VEZT: variants seen among roughly 807,000 people sequenced by gnomAD.
VEZT encodes vezatin.
VEZT carries 39 observed loss-of-function variants against 79.9 expected under a neutral mutation model. That is an observed-to-expected ratio of 0.49 (90% CI 0.38 to 0.64). VEZT has a LOEUF of 0.64. VEZT is among the 30% of genes least tolerant of loss of function. VEZT has a pLI of 0.00. For synonymous variants in VEZT, 325 were observed against 327.6 expected (o/e 0.99, Z 0.09); for missense variants, 837 against 893.1 (o/e 0.94, Z 0.80).
rs528035805 is a variant in VEZT at position 95,268,377 on chromosome 12, A to G, written c.711-1674A>G. Among the ~76,000 whole-genome samples the G allele has an allele frequency of 3.9e-4, 60 of 152,216 alleles. 1 individual carries two copies. Among genetic ancestry groups the G allele is most frequent in the African/African-American group, 1.4e-3 (60 of 41,550 alleles). On this transcript the variant is annotated intron_variant, in intron 5 of 11. Transcript: ENST00000436874. ...GCCGGGCGTGGTGGCGGGTGCCTGT[A>G]GACCCAGCTACCCGGGAGGCTGAGG...
intron 1 of VEZT, among the ~76,000 whole-genome samples, chr12:95,225,421 G>T (rs2058278072): frequency 6.6e-6 from 1 of 152,068 alleles, no homozygotes; most frequent in Non-Finnish European, 1.5e-5. Context: ...GCCGGGCTTG[G>T]TGGCGGGCGC....
At chr12:95,280,434 G>A (rs1386325258) in intron 7 of VEZT, among the ~76,000 whole-genome samples, 6 of 135,748 alleles carry the variant, frequency 4.4e-5, no homozygotes, top group East Asian at 2.1e-4. Flanking sequence ...TCTCTCCTTC[G>A]CGCTTTCTGT....
In VEZT at chr12:95,300,509, C is replaced by T. The variant is rs1247848784; in HGVS notation, c.2176C>T (p.Leu726=). 1 of 1,613,974 alleles carries T rather than the reference C, an allele frequency of 6.2e-7. No homozygotes were observed. The highest frequency in any genetic ancestry group is 1.1e-5 in the South Asian group (1 of 91,082). ...ATTACAGCCCTCCATTAAGCAGAGG[C>T]TGGCACGGCTACAGCTGTCACCAGA... is the stretch of plus-strand genomic sequence containing the variant. ...DSLQPSIKQR[L]ARLQLSPDFT... is the part of the protein sequence containing the mutation. The change falls in exon 12 of 12, where the codon CTG becomes TTG. Residue 726 remains leucine (L), a synonymous_variant. Transcript: ENST00000436874.
intron 9 of VEZT, among the ~76,000 whole-genome samples, chr12:95,293,074 A>C (rs1329895107): frequency 2.7e-5 from 4 of 150,926 alleles, no homozygotes; most frequent in African/African-American, 9.8e-5. Flanking sequence ...CTGGTCTCAA[A>C]CTCCTGACCT....
At chr12:95,274,943 G>A (rs1211465607) in intron 7 of VEZT, 54 bp downstream of exon 7, 7 of 1,569,562 alleles carry the variant, frequency 4.5e-6, no homozygotes, top group Non-Finnish European at 6.0e-6. Flanking sequence ...CACTTGGATT[G>A]TGTCTATGCT....
intron 9 of VEZT, chr12:95,290,554 T>C (rs2072477546): frequency 6.6e-6 from 1 of 152,170 alleles, no homozygotes; most frequent in Non-Finnish European, 1.5e-5. Flanking sequence ...CTACATACTA[T>C]GTTATTCCAC....
intron 10 of VEZT, 84 bp from the exon 11 acceptor site, chr12:95,295,967 G>T: frequency 9.7e-7 from 1 of 1,028,088 alleles, no homozygotes; most frequent in African/African-American, 1.6e-5. Flanking sequence ...TTTAATCTCA[G>T]AGATAAGTAA....
rs1469983317 is a variant in VEZT, at chr12:95,262,910, T to C, written c.263T>C (p.Ile88Thr). The change falls in exon 4 of 12, where the codon ATT becomes ACT. Residue 88 changes from isoleucine (I) to threonine (T), a missense_variant. Coordinates refer to ENST00000436874, the MANE Select transcript of VEZT (RefSeq NM_017599.4). ...TTCTGGTATTTTAATGGCAAGGATA[T>C]TGGATTCCGACTCGACTCATTACAT... ...KKDDLLHKLDIGFRLDSLHTI... is the reference protein window; with the variant it reads ...KKDDLLHKLDTGFRLDSLHTI... The C allele has an allele frequency of 1.3e-6, 2 of 1,587,786 alleles. No homozygotes were observed. The highest frequency in any genetic ancestry group is 8.6e-7 in the Non-Finnish European group (1 of 1,161,756).
In VEZT at chr12:95,282,439, T is replaced by C; in HGVS notation, c.1123T>C (p.Ser375Pro). Residue 375 changes from serine (S) to proline (P), a missense_variant, in exon 8 of 12, where the codon TCT (serine) becomes CCT (proline). Physicochemically the swap from Ser to Pro is moderately conservative, Grantham distance 74. Transcript: ENST00000436874. ...TPALLPHRIL[S>P]DVTQGLPHAH... ...AGCACTTCTGCCTCATCGTATCTTA[T>C]CTGATGTGACTCAAGGTCTACCTCA... 6.2e-7 allele frequency: 1 copy of C among 1,614,016 alleles called. No individual in the cohort carries two copies. The highest frequency in any genetic ancestry group is 8.5e-7 in the Non-Finnish European group (1 of 1,179,898).
chr12:95,236,081 G>A (rs1373171128), intron 1 of VEZT, among the ~76,000 whole-genome samples: 1 of 152,142 alleles, frequency 6.6e-6, no homozygotes, highest in Non-Finnish European at 1.5e-5. Context: ...CGGCTGGGAG[G>A]TGGAGGTTGT....
At chr12:95,281,377 C>T (rs1455355824) in intron 7 of VEZT, among the ~76,000 whole-genome samples, 1 of 152,090 alleles carries the variant, frequency 6.6e-6, no homozygotes, top group Non-Finnish European at 1.5e-5. Flanking sequence ...ACTCAGGAGG[C>T]TGAAGTAGGA....
intron 2 of VEZT, among the ~76,000 whole-genome samples, chr12:95,253,935 A>G (rs1455635597): frequency 1.3e-5 from 2 of 152,082 alleles, no homozygotes; most frequent in Non-Finnish European, 2.9e-5. Flanking sequence ...CCCCATCTCA[A>G]AAAAATTATC....
intron 9 of VEZT, among the ~76,000 whole-genome samples, chr12:95,289,864 C>G (rs1166782158): frequency 1.3e-5 from 2 of 152,144 alleles, no homozygotes; most frequent in Non-Finnish European, 2.9e-5. Flanking sequence ...GACATTCTGT[C>G]ACAATTGCCT....
At chr12:95,258,006 GC>G (rs1408062855) in intron 3 of VEZT, among the ~76,000 whole-genome samples, 1 of 152,156 alleles carries the variant, frequency 6.6e-6, no homozygotes, top group East Asian at 1.9e-4. Context: ...AAAATGTTCA[GC>G]TAGAAAGTGA....
intron 9 of VEZT, among the ~76,000 whole-genome samples, chr12:95,288,179 A>G (rs539461727): frequency 6.6e-6 from 1 of 152,292 alleles, no homozygotes; most frequent in East Asian, 1.9e-4. Context: ...AGTTAGGATA[A>G]TAAAAGAATG....
chr12:95,270,913 G>A (rs952908845), intron 6 of VEZT, among the ~76,000 whole-genome samples: 1 of 152,186 alleles, frequency 6.6e-6, no homozygotes, highest in Admixed American at 6.5e-5. Flanking sequence ...GTTAAATCCT[G>A]ACTAAGTAGA....
At chr12:95,234,285 T>C (rs1030494468) in intron 1 of VEZT, among the ~76,000 whole-genome samples, 2 of 14,494 alleles carry the variant, frequency 1.4e-4, no homozygotes, top group Non-Finnish European at 3.0e-4. Context: ...ATCAATAATC[T>C]TTTTTTTTTT....
At position 95,301,717 on chromosome 12, in the gene VEZT, A is replaced by G. The variant is rs947044172; in HGVS notation, c.*1044A>G. The G allele has an allele frequency of 1.3e-5, 2 of 152,216 alleles. No individual in the cohort carries two copies. The highest frequency in any genetic ancestry group is 2.4e-5 in the African/African-American group (1 of 41,462). The allele number at this position is 152,216 out of a possible 1,614,324, so 9.4% of individuals were successfully genotyped here. On this transcript the variant is annotated 3_prime_UTR_variant, in exon 12 of 12. Transcript: ENST00000436874. ...AGCTCCTATGCAATAACATAGTTCT[A>G]TAGACATTATTTGGGGGAAATGTAG...
chr12:95,252,001 C>A lies in VEZT; in HGVS notation c.98C>A (p.Ser33Tyr). The A allele has an allele frequency of 1.2e-6, 2 of 1,612,592 alleles. No individual in the cohort carries two copies. The highest frequency in any genetic ancestry group is 1.7e-6 in the Non-Finnish European group (2 of 1,179,270). Reference protein sequence around the residue: ...LGHTDFEICSSLSPKTEKCTT... With the variant: ...LGHTDFEICSYLSPKTEKCTT... Reference sequence around the variant, plus strand: ...CACACAGACTTTGAAATATGTTCTTCTTTGTCACCAAAAACAGAAAAATGC... The same window carrying A: ...CACACAGACTTTGAAATATGTTCTTATTTGTCACCAAAAACAGAAAAATGC... The change falls in exon 2 of 12, where the codon TCT becomes TAT. Residue 33 changes from serine to tyrosine, a missense_variant. Transcript: ENST00000436874.
Sources: gnomAD v4.1 joint callset for allele counts (sites outside exome capture counted in the v4.1 genomes callset) on GRCh38, gnomAD v4.1.1 for gene constraint, MANE v1.5 for transcripts, NCBI Gene and HGNC (gene_info 2026-07-23, HGNC 2026-07-21) for gene names.